The following PRKCE variants were observed in gnomAD, a reference collection of about 807,000 sequenced individuals.
PRKCE encodes protein kinase C epsilon.
Under a neutral mutation model 85.4 loss-of-function variants are expected in PRKCE, and 16 were observed. The observed-to-expected ratio is 0.19, with a 90% CI of 0.13 to 0.28. The LOEUF is 0.28. PRKCE is among the 10% of genes least tolerant of loss of function. The probability of loss-of-function intolerance (pLI) is 1.00; values close to 1 mark genes in which losing one functional copy is unlikely to be tolerated. For synonymous variants in PRKCE, 388 were observed against 371.5 expected (o/e 1.04, Z -0.51); for missense variants, 573 against 975.2 (o/e 0.59, Z 5.49).
intron 10 of PRKCE, among the ~76,000 whole-genome samples, chr2:46,045,863 GAACTC>G (rs915512853): frequency 5.3e-5 from 8 of 151,764 alleles, no homozygotes; most frequent in African/African-American, 1.9e-4. Flanking sequence ...GCCCAGAGCA[GAACTC>G]TGTCTCAAAT....
intron 1 of PRKCE, among the ~76,000 whole-genome samples, chr2:45,756,284 G>T (rs1453674137): frequency 2.0e-5 from 3 of 152,176 alleles, no homozygotes; most frequent in Non-Finnish European, 4.4e-5. Flanking sequence ...GGGCAGAGAG[G>T]AAGAAGAGGA....
intron 1 of PRKCE, among the ~76,000 whole-genome samples, chr2:45,670,858 G>A (rs1301436377): frequency 1.3e-5 from 2 of 152,194 alleles, no homozygotes; most frequent in Non-Finnish European, 2.9e-5. Flanking sequence ...AGTCTCTGAC[G>A]ACAAATAATG....
At chr2:45,750,419 A>G (rs1232121699) in intron 1 of PRKCE, among the ~76,000 whole-genome samples, 2 of 152,136 alleles carry the variant, frequency 1.3e-5, no homozygotes, top group East Asian at 1.9e-4. Context: ...TTAAGCACTT[A>G]TAGTTCCTCC....
At chr2:45,660,283 G>T (rs1469409497) in intron 1 of PRKCE, among the ~76,000 whole-genome samples, 1 of 152,104 alleles carries the variant, frequency 6.6e-6, no homozygotes, top group African/African-American at 2.4e-5. Context: ...AGGAGAAAAG[G>T]ATATTTTATT....
chr2:46,107,248 A>C (rs867996716), intron 11 of PRKCE, among the ~76,000 whole-genome samples: 2 of 152,378 alleles, frequency 1.3e-5, no homozygotes, highest in Non-Finnish European at 2.9e-5. Flanking sequence ...GGAATCAGAC[A>C]GTGTGTAACC....
intron 2 of PRKCE, among the ~76,000 whole-genome samples, chr2:45,903,911 G>GTTTT (rs1371845316): frequency 6.0e-5 from 5 of 83,636 alleles, no homozygotes; most frequent in East Asian, 5.9e-4. Context: ...TTGTTTGTTT[G>GTTTT]TTTGTTTTTT....
At chr2:45,677,569 G>A (rs918322765) in intron 1 of PRKCE, among the ~76,000 whole-genome samples, 1 of 152,088 alleles carries the variant, frequency 6.6e-6, no homozygotes, top group African/African-American at 2.4e-5. Flanking sequence ...TGTTAGCCAG[G>A]ATGGTCTCGA....
intron 13 of PRKCE, among the ~76,000 whole-genome samples, chr2:46,154,205 G>A (rs931954524): frequency 6.6e-6 from 1 of 152,128 alleles, no homozygotes; most frequent in Non-Finnish European, 1.5e-5. Context: ...AGCTCTGGCT[G>A]CTGGGGAGAG....
chr2:45,895,549 C>A lies in PRKCE; in HGVS notation c.412+52486C>A, dbSNP rs1463843988. Among the ~76,000 whole-genome samples, 1 of 151,976 alleles carries A rather than the reference C, an allele frequency of 6.6e-6. No homozygotes were observed. The highest frequency in any genetic ancestry group is 2.4e-5 in the African/African-American group (1 of 41,250). Reference sequence around the variant, plus strand: ...GACACCAGGAAGTGCTCAATTAATTCTTCTTCAATTTGGTTAGAGGAAAAA... The same window carrying A: ...GACACCAGGAAGTGCTCAATTAATTATTCTTCAATTTGGTTAGAGGAAAAA... On this transcript the variant is annotated intron_variant, in intron 2 of 14. Coordinates refer to ENST00000306156, the MANE Select transcript of PRKCE (RefSeq NM_005400.3). The surrounding 1 kb of genome is among the most constrained non-coding windows in gnomAD (Gnocchi z 4.8).
At chr2:46,123,171 CA>C (rs1284641412) in intron 11 of PRKCE, among the ~76,000 whole-genome samples, 1 of 68,800 alleles carries the variant, frequency 1.5e-5, no homozygotes, top group African/African-American at 5.6e-5. Flanking sequence ...AAAAAATGTG[CA>C]AATACAAGGA....
intron 2 of PRKCE, among the ~76,000 whole-genome samples, chr2:45,916,975 C>G (rs1697836291): frequency 6.6e-6 from 1 of 152,044 alleles, no homozygotes; most frequent in African/African-American, 2.4e-5. Context: ...GCAGTGTGGA[C>G]CCAAAGAGTG....
chr2:45,822,691 G>C (rs1689632313), intron 1 of PRKCE, among the ~76,000 whole-genome samples: 1 of 152,164 alleles, frequency 6.6e-6, no homozygotes, highest in Non-Finnish European at 1.5e-5. Context: ...GAGGTGCTGT[G>C]GGGCAAGACG....
intron 1 of PRKCE, among the ~76,000 whole-genome samples, chr2:45,828,711 C>G (rs1558721455): frequency 6.6e-6 from 1 of 152,060 alleles, no homozygotes; most frequent in African/African-American, 2.4e-5. Flanking sequence ...CATTATGCCT[C>G]AGTTTCCTTA....
At chr2:46,163,163 G>A (rs1047064742) in intron 14 of PRKCE, among the ~76,000 whole-genome samples, 1 of 152,280 alleles carries the variant, frequency 6.6e-6, no homozygotes, top group African/African-American at 2.4e-5. Flanking sequence ...TGCTGCATAA[G>A]CAGAGTCAGC....
At chr2:46,178,726 A>C (rs992287640) in intron 14 of PRKCE, among the ~76,000 whole-genome samples, 15 of 152,204 alleles carry the variant, frequency 9.9e-5, no homozygotes, top group African/African-American at 3.6e-4. Flanking sequence ...GCTAGGACGG[A>C]CTTGGGATTT....
intron 2 of PRKCE, among the ~76,000 whole-genome samples, chr2:45,874,443 G>C (rs1694323391): frequency 6.6e-6 from 1 of 152,234 alleles, no homozygotes; most frequent in Non-Finnish European, 1.5e-5. Flanking sequence ...AGCCTGGAGT[G>C]AGCTGCCAGC....
chr2:45,890,335 T>G (rs921597160), intron 2 of PRKCE, among the ~76,000 whole-genome samples: 4 of 152,164 alleles, frequency 2.6e-5, no homozygotes, highest in African/African-American at 9.7e-5. Context: ...TAGAAATACT[T>G]CAGTACATAG....
chr2:45,906,849 T>C (rs1697015767), intron 2 of PRKCE, among the ~76,000 whole-genome samples: 1 of 152,240 alleles, frequency 6.6e-6, no homozygotes, highest in African/African-American at 2.4e-5. Context: ...TGGGAACTTC[T>C]GTTTGATACT....
chr2:45,866,994 A>G (rs776768336), intron 2 of PRKCE, among the ~76,000 whole-genome samples: 2 of 152,184 alleles, frequency 1.3e-5, no homozygotes, highest in Non-Finnish European at 2.9e-5. Context: ...AAAAAGATGC[A>G]CAGGTCCCAC....
Sources: gnomAD v4.1 joint callset for allele counts (sites outside exome capture counted in the v4.1 genomes callset) on GRCh38, gnomAD v4.1.1 for gene constraint, Gnocchi (gnomAD v3.1) non-coding constraint, MANE v1.5 for transcripts, NCBI Gene and HGNC (gene_info 2026-07-23, HGNC 2026-07-21) for gene names.